Variants in MRPL39 observed in about 807,000 individuals in gnomAD.
MRPL39 encodes the protein large ribosomal subunit protein mL39.
MRPL39 carries 35 observed loss-of-function variants against 44.5 expected under a neutral mutation model. The observed-to-expected ratio is 0.79, with a 90% CI of 0.60 to 1.04. The LOEUF is 1.04. Ranked by LOEUF, MRPL39 falls within the 50% of genes least tolerant of loss-of-function variation. MRPL39 has a pLI of 0.00. For missense variants in MRPL39, 433 were observed against 413.5 expected (o/e 1.05, Z -0.41); for synonymous variants, 139 against 136.1 (o/e 1.02, Z -0.15).
intron 6 of MRPL39, among the ~76,000 whole-genome samples, chr21:25,596,004 G>A (rs1454119322): frequency 6.6e-6 from 1 of 152,130 alleles, no homozygotes; most frequent in African/African-American, 2.4e-5. Context: ...TCCAGGACAC[G>A]CTAAAAATGT....
In MRPL39 at chr21:25,607,445, G is replaced by T. The variant is rs371546191; in HGVS notation, c.31C>A (p.Leu11Met). 1.2e-6 allele frequency: 2 copies of T among 1,613,198 alleles called. No individual in the cohort carries two copies. Among genetic ancestry groups the T allele is most frequent in the Non-Finnish European group, 8.5e-7 (1 of 1,179,968 alleles). Residue 11 changes from leucine (L) to methionine (M), a missense_variant, in exon 1 of 10, where the codon CTG (leucine) becomes ATG (methionine). Leu to Met is a conservative substitution (Grantham distance 15). Transcript: ENST00000352957. MEALAMGSRA[L>M]RLWLVAPGGG... is the part of the protein sequence containing the mutation. ...CCGGGTGCGACCAGCCAGAGCCGCA[G>T]CGCCCGGGAACCCATGGCCAGCGCC...
intron 9 of MRPL39, among the ~76,000 whole-genome samples, chr21:25,586,879 C>A (rs746483261): frequency 7.9e-5 from 12 of 152,194 alleles, no homozygotes; most frequent in Admixed American, 1.3e-4. Flanking sequence ...CACATGTACA[C>A]CTGAACTGTC....
intron 5 of MRPL39, among the ~76,000 whole-genome samples, chr21:25,599,571 T>C (rs2031459969): frequency 6.6e-6 from 1 of 152,216 alleles, no homozygotes. Flanking sequence ...ACCATGTTGA[T>C]GTAAATACTC....
intron 1 of MRPL39, 91 bp downstream of exon 1, chr21:25,607,312 G>C: frequency 7.0e-7 from 1 of 1,427,460 alleles, no homozygotes; most frequent in Non-Finnish European, 9.8e-7. Context: ...CCTCTGCCCC[G>C]CGGGACCTCC....
At chr21:25,603,592 C>T (rs1053639981) in intron 3 of MRPL39, among the ~76,000 whole-genome samples, 9 of 152,042 alleles carry the variant, frequency 5.9e-5, no homozygotes, top group African/African-American at 1.2e-4. Context: ...AAAGACATAG[C>T]ATACAAAAAT....
chr21:25,605,259 C>T (rs1001923153), intron 2 of MRPL39, among the ~76,000 whole-genome samples: 5 of 152,172 alleles, frequency 3.3e-5, no homozygotes, highest in Admixed American at 1.3e-4. Flanking sequence ...TTCTATCAAA[C>T]GTACTATCAA....
intron 6 of MRPL39, among the ~76,000 whole-genome samples, chr21:25,596,780 G>A (rs2031374723): frequency 6.6e-6 from 1 of 152,068 alleles, no homozygotes; most frequent in South Asian, 2.1e-4. Flanking sequence ...AGTAGAAGGT[G>A]AACTGAAAGT....
chr21:25,605,553 T>C (rs1485067733), intron 2 of MRPL39, among the ~76,000 whole-genome samples: 2 of 152,182 alleles, frequency 1.3e-5, no homozygotes, highest in African/African-American at 4.8e-5. Context: ...GCTGATCATC[T>C]GAGGCCATGG....
chr21:25,589,791 G>A (rs569420079), intron 8 of MRPL39, among the ~76,000 whole-genome samples: 1 of 147,142 alleles, frequency 6.8e-6, no homozygotes, highest in Non-Finnish European at 1.5e-5. Context: ...TCCAGGGAAA[G>A]AGCTGACTGG....
At chr21:25,600,868 G>A (rs555673322) in intron 4 of MRPL39, among the ~76,000 whole-genome samples, 1 of 152,292 alleles carries the variant, frequency 6.6e-6, no homozygotes, top group South Asian at 2.1e-4. Flanking sequence ...AGCACTTTGG[G>A]AGGCCGAGGC....
At chr21:25,601,555 C>T in intron 3 of MRPL39, 88 bp from the exon 4 acceptor site, 1 of 834,156 alleles carries the variant, frequency 1.2e-6, no homozygotes, top group Non-Finnish European at 1.7e-6. Context: ...AAGTGAACTT[C>T]TGACTTAGAA....
At chr21:25,598,728 T>C (rs1268231424) in intron 5 of MRPL39, among the ~76,000 whole-genome samples, 1 of 151,864 alleles carries the variant, frequency 6.6e-6, no homozygotes. Context: ...TATTATGTAA[T>C]ATGCGCAGGA....
intron 5 of MRPL39, among the ~76,000 whole-genome samples, chr21:25,599,112 C>A (rs1307812583): frequency 6.6e-6 from 1 of 152,198 alleles, no homozygotes; most frequent in Non-Finnish European, 1.5e-5. Flanking sequence ...CTTTGATAAC[C>A]ATCAGCACCC....
chr21:25,590,285 G>A (rs532687056), intron 8 of MRPL39, among the ~76,000 whole-genome samples: 1 of 152,128 alleles, frequency 6.6e-6, no homozygotes, highest in Non-Finnish European at 1.5e-5. Flanking sequence ...AAGGAAACCA[G>A]GGGTATCCAA....
At chr21:25,599,072 C>A (rs2031446234) in intron 5 of MRPL39, among the ~76,000 whole-genome samples, 1 of 152,072 alleles carries the variant, frequency 6.6e-6, no homozygotes, top group South Asian at 2.1e-4. Flanking sequence ...GCCTATTCTC[C>A]CCAATCAGAA....
rs754446498 is a variant in MRPL39, at chr21:25,597,302, T to C, written c.701A>G (p.Lys234Arg). The part of the protein sequence containing the change: ...KVALEIFQHS[K>R]YKVDFIEEKA... ...TGATTTAAAGAAAGCCAACACTTAC[T>C]TGCTGTGTTGAAATATTTCCAATGC... The change falls in exon 6 of 10, where the codon AAG becomes AGG. Residue 234 changes from lysine to arginine, a missense_variant and splice_region_variant. By Grantham distance (26) the Lys-to-Arg change is conservative (BLOSUM62 2). Coordinates refer to ENST00000352957, the MANE Select transcript of MRPL39 (RefSeq NM_017446.4). 1.4e-5 allele frequency: 21 copies of C among 1,547,152 alleles called. No homozygotes were observed. In the East Asian group the frequency reaches 3.8e-4, roughly 28 times the overall value.
At position 25,585,668 on chromosome 21, in the gene MRPL39, C is replaced by A; in HGVS notation, c.*39G>T. On this transcript the variant is annotated 3_prime_UTR_variant, in exon 10 of 10. Transcript: ENST00000352957. ...GCACACACAAACATTATATTTAAAA[C>A]ATTTATTTTATTATACATATTTAAA... 9.0e-7 allele frequency: 1 copy of A among 1,108,804 alleles called. No individual in the cohort carries two copies. Among genetic ancestry groups the A allele is most frequent in the Non-Finnish European group, 1.3e-6 (1 of 774,798 alleles). The allele number at this position is 1,108,804 out of a possible 1,614,324, so 68.7% of individuals were successfully genotyped here. A position where few individuals can be genotyped will look rare whatever the true frequency, so the allele number is the denominator to read the frequency against.
rs1482959841 is a variant in MRPL39, at chr21:25,599,677, G to A, written c.588+122C>T. On this transcript the variant is annotated intron_variant, in intron 5 of 9. Transcript: ENST00000352957. Reference sequence around the variant, plus strand: ...AGACAGATACATAGATACATAGATAGATACATAGATTCTTTTAAATGTTCT... The same window carrying A: ...AGACAGATACATAGATACATAGATAAATACATAGATTCTTTTAAATGTTCT... The A allele has an allele frequency of 9.1e-6, 7 of 772,260 alleles. No homozygotes were observed. The East Asian group carries it at 1.5e-4, about 17-fold the overall frequency. The allele number at this position is 772,260 out of a possible 1,614,324, so 47.8% of individuals were successfully genotyped here.
chr21:25,606,200 G>C (rs1031013556), intron 2 of MRPL39, among the ~76,000 whole-genome samples: 3 of 152,150 alleles, frequency 2.0e-5, no homozygotes, highest in African/African-American at 7.2e-5. Context: ...GGCTGGTCTT[G>C]AACTTCTGGC....
Sources: gnomAD v4.1 joint callset for allele counts (sites outside exome capture counted in the v4.1 genomes callset) on GRCh38, gnomAD v4.1.1 for gene constraint, MANE v1.5 for transcripts, NCBI Gene and HGNC (gene_info 2026-07-23, HGNC 2026-07-21) for gene names.